PPARGC1A: variants seen among roughly 807,000 people sequenced by gnomAD.
PPARGC1A encodes the protein peroxisome proliferator-activated receptor gamma coactivator 1-alpha.
In PPARGC1A, 25 loss-of-function variants were observed where a neutral mutation model predicts 88.7. The observed-to-expected ratio is 0.28, with a 90% CI of 0.21 to 0.39. The LOEUF (loss-of-function observed/expected upper bound fraction) is 0.39, where lower values mean the gene tolerates loss of function less well. Among genes scored for constraint, PPARGC1A ranks in the 10% least tolerant of loss-of-function variants. The pLI, the probability that PPARGC1A is intolerant of heterozygous loss-of-function variation, is 1.00. For synonymous variants in PPARGC1A, 363 were observed against 355.6 expected (o/e 1.02, Z -0.24); for missense variants, 880 against 968.7 (o/e 0.91, Z 1.22).
At chr4:24,220,990 A>G in the PPARGC1A span, among the ~76,000 whole-genome samples, 3 of 149,648 alleles carry the variant, frequency 2.0e-5, no homozygotes, top group East Asian at 4.9e-4. Flanking sequence ...GATGGTGGGG[A>G]AAAAAAAATG....
chr4:24,062,835 T>C, the PPARGC1A span, among the ~76,000 whole-genome samples: 1 of 152,340 alleles, frequency 6.6e-6, no homozygotes, highest in Admixed American at 6.5e-5. Context: ...CATCTATAAA[T>C]ACATTTAAAT....
At chr4:24,430,709 G>T in the PPARGC1A span, among the ~76,000 whole-genome samples, 2,879 of 152,172 alleles carry the variant, frequency 0.019, 90 homozygotes, top group African/African-American at 0.067. Context: ...GATAATTTCA[G>T]TAACAAGGTG....
intron 2 of PPARGC1A, among the ~76,000 whole-genome samples, chr4:23,851,042 G>A (rs1729203773): frequency 6.6e-6 from 1 of 152,114 alleles, no homozygotes. Context: ...ATGAGTTGCT[G>A]CAGTTCAGAA....
chr4:24,434,480 A>G, the PPARGC1A span, among the ~76,000 whole-genome samples: 5,684 of 152,294 alleles, frequency 0.037, 330 homozygotes, highest in African/African-American at 0.13. Flanking sequence ...AAAAGCTGTT[A>G]TCTTCTGGCG....
chr4:24,330,084 A>G, the PPARGC1A span, among the ~76,000 whole-genome samples: 1 of 152,162 alleles, frequency 6.6e-6, no homozygotes, highest in Non-Finnish European at 1.5e-5. Context: ...ATTACTCAGT[A>G]TTCTCTACTG....
the PPARGC1A span, among the ~76,000 whole-genome samples, chr4:23,923,580 A>T: frequency 6.6e-6 from 1 of 152,216 alleles, no homozygotes; most frequent in East Asian, 1.9e-4. Context: ...AAAAAGAAAG[A>T]AAGAATGAAA....
chr4:24,032,229 C>T, the PPARGC1A span, among the ~76,000 whole-genome samples: 2 of 152,184 alleles, frequency 1.3e-5, no homozygotes, highest in African/African-American at 4.8e-5. Context: ...ATGGAAAAAT[C>T]ACAGAAATCC....
At chr4:23,859,728 C>T (rs560978683) in intron 2 of PPARGC1A, among the ~76,000 whole-genome samples, 22 of 151,392 alleles carry the variant, frequency 1.5e-4, no homozygotes, top group African/African-American at 4.6e-4. Context: ...TTGCAGTGAG[C>T]CGAGATGGCA....
chr4:24,246,677 T>A, the PPARGC1A span, among the ~76,000 whole-genome samples: 1 of 152,168 alleles, frequency 6.6e-6, no homozygotes, highest in Non-Finnish European at 1.5e-5. Flanking sequence ...GGGTAAGATG[T>A]AAGGTTTAAA....
the PPARGC1A span, among the ~76,000 whole-genome samples, chr4:24,221,534 TA>T: frequency 6.6e-6 from 1 of 152,188 alleles, no homozygotes; most frequent in Non-Finnish European, 1.5e-5. Flanking sequence ...TTCATATAAA[TA>T]AAATGTATTA....
the PPARGC1A span, among the ~76,000 whole-genome samples, chr4:23,961,998 G>C: frequency 1.3e-5 from 2 of 152,124 alleles, no homozygotes; most frequent in South Asian, 4.1e-4. Flanking sequence ...ACTGTTAGGT[G>C]CCATTTCCAA....
At chr4:24,301,048 GA>G in the PPARGC1A span, among the ~76,000 whole-genome samples, 529 of 148,586 alleles carry the variant, frequency 3.6e-3, 17 homozygotes, top group East Asian at 0.059. Context: ...TAAAGAGAAG[GA>G]AAAAAAAAAT....
At chr4:23,857,373 G>GTCACACACACACACGCACGT (rs148212399) in intron 2 of PPARGC1A, among the ~76,000 whole-genome samples, 2 of 104,452 alleles carry the variant, frequency 1.9e-5, no homozygotes, top group Admixed American at 9.4e-5. Flanking sequence ...GTGTGTGTGT[G>GTCACACACACACACGCACGT]ACACACACAC....
intron 10 of PPARGC1A, among the ~76,000 whole-genome samples, chr4:23,809,430 C>T (rs775091261): frequency 3.3e-5 from 5 of 152,116 alleles, no homozygotes. Context: ...TTATTTCTTG[C>T]CCCTCTTGTG....
At chr4:24,112,465 T>G in the PPARGC1A span, among the ~76,000 whole-genome samples, 415 of 152,286 alleles carry the variant, frequency 2.7e-3, 5 homozygotes, top group East Asian at 0.051. Flanking sequence ...TCAAGTTTGC[T>G]CCTCTGCCCT....
chr4:24,128,942 C>T, the PPARGC1A span, among the ~76,000 whole-genome samples: 4 of 152,194 alleles, frequency 2.6e-5, no homozygotes, highest in Non-Finnish European at 5.9e-5. Flanking sequence ...ACACCCTTCA[C>T]TCTCTGAGTA....
chr4:23,930,086 C>T, the PPARGC1A span, among the ~76,000 whole-genome samples: 1 of 152,158 alleles, frequency 6.6e-6, no homozygotes, highest in Non-Finnish European at 1.5e-5. Flanking sequence ...TCCTTGACAT[C>T]TTTAAATGAT....
intron 7 of PPARGC1A, among the ~76,000 whole-genome samples, chr4:23,819,288 T>C (rs997400919): frequency 6.6e-5 from 10 of 152,178 alleles, no homozygotes; most frequent in Non-Finnish European, 1.2e-4. Flanking sequence ...CAGAAGACTA[T>C]CCAACAGACC....
At chr4:24,301,359 A>C in the PPARGC1A span, among the ~76,000 whole-genome samples, 1 of 152,172 alleles carries the variant, frequency 6.6e-6, no homozygotes, top group African/African-American at 2.4e-5. Flanking sequence ...TAATAACACC[A>C]GTAGTGATTT....
Sources: gnomAD v4.1 joint callset for allele counts (sites outside exome capture counted in the v4.1 genomes callset) on GRCh38, gnomAD v4.1.1 for gene constraint, MANE v1.5 for transcripts, NCBI Gene and HGNC (gene_info 2026-07-23, HGNC 2026-07-21) for gene names.